CPA6: variants seen among roughly 807,000 people sequenced by gnomAD.
CPA6 encodes carboxypeptidase A6, also known as carboxypeptidase B.
In CPA6, 58 loss-of-function variants were observed where a neutral mutation model predicts 63.3. The ratio of observed to expected loss-of-function variants is 0.92; its 90% confidence interval spans 0.74 to 1.14. The LOEUF is 1.14. CPA6 is among the 50% of genes most tolerant of loss of function. CPA6 has a pLI of 0.00. For missense variants in CPA6, 565 were observed against 526.6 expected (o/e 1.07, Z -0.71); for synonymous variants, 185 against 179.0 (o/e 1.03, Z -0.27).
intron 2 of CPA6, among the ~76,000 whole-genome samples, chr8:67,619,735 AG>A (rs1815037712): frequency 6.6e-6 from 1 of 152,198 alleles, no homozygotes; most frequent in South Asian, 2.1e-4. Context: ...AACTCAGCAA[AG>A]AAGTGTAGGA....
At chr8:67,488,993 G>A (rs915430782) in intron 6 of CPA6, among the ~76,000 whole-genome samples, 1 of 152,150 alleles carries the variant, frequency 6.6e-6, no homozygotes, top group African/African-American at 2.4e-5. Context: ...CATGTCATCT[G>A]CAAATAGGGA....
chr8:67,532,337 A>AT lies in CPA6; in HGVS notation c.193-14291dup, dbSNP rs146385720. Among the ~76,000 whole-genome samples the AT allele has an allele frequency of 7.8e-3, 1,186 of 152,178 alleles. 15 individuals carry two copies. The highest frequency in any genetic ancestry group is 0.027 in the African/African-American group (1,114 of 41,510). ...AGTGACATAAATGTAGATTCATCAA[A>AT]TAAAAAAAATAGAGAATACCATAAA... On this transcript the variant is annotated intron_variant, in intron 2 of 10. Coordinates refer to ENST00000297770, the MANE Select transcript of CPA6 (RefSeq NM_020361.5).
intron 1 of CPA6, among the ~76,000 whole-genome samples, chr8:67,737,198 G>A (rs749643882): frequency 5.3e-5 from 8 of 152,092 alleles, no homozygotes; most frequent in South Asian, 4.2e-4. Flanking sequence ...CTTCCCTCCC[G>A]CCTCCTGACT....
chr8:67,475,868 T>TCC (rs1811199900), intron 8 of CPA6, among the ~76,000 whole-genome samples: 1 of 96,978 alleles, frequency 1.0e-5, no homozygotes, highest in Non-Finnish European at 2.1e-5. Flanking sequence ...TCTTTCTTTC[T>TCC]TTCTTTCTTT....
chr8:67,564,046 G>C (rs1380045242), intron 2 of CPA6, among the ~76,000 whole-genome samples: 1 of 152,138 alleles, frequency 6.6e-6, no homozygotes. Flanking sequence ...GGAGGTCCTG[G>C]GGAAGGGACT....
chr8:67,573,710 G>A (rs1040631687), intron 2 of CPA6, among the ~76,000 whole-genome samples: 10 of 151,646 alleles, frequency 6.6e-5, no homozygotes, highest in Non-Finnish European at 1.2e-4. Flanking sequence ...GGCTAACACG[G>A]TGAAACCCTG....
At chr8:67,590,439 G>C (rs1214928852) in intron 2 of CPA6, among the ~76,000 whole-genome samples, 5 of 151,324 alleles carry the variant, frequency 3.3e-5, no homozygotes, top group Non-Finnish European at 7.4e-5. Context: ...GGTATTTCTA[G>C]TTCTAGATCC....
rs188930433 is a variant in CPA6, at chr8:67,715,830, A to C, written c.116+30184T>G. ...GACATATGGATCCTTCAGACTTTCTAAGGCACTTGTAAAGAAATTGGATGT... is the reference window on the plus strand; with the variant it reads ...GACATATGGATCCTTCAGACTTTCTCAGGCACTTGTAAAGAAATTGGATGT... On this transcript the variant is annotated intron_variant, in intron 1 of 10. Transcript: ENST00000297770. 2.6e-3 allele frequency among the ~76,000 whole-genome samples: 390 copies of C among 152,288 alleles called. 4 individuals carry two copies. The highest frequency in any genetic ancestry group is 9.1e-3 in the African/African-American group (379 of 41,548).
At chr8:67,493,916 C>T (rs1811657024) in intron 6 of CPA6, among the ~76,000 whole-genome samples, 2 of 152,042 alleles carry the variant, frequency 1.3e-5, no homozygotes. Flanking sequence ...ATTTTTTTCA[C>T]AAGCCCTTGC....
intron 1 of CPA6, among the ~76,000 whole-genome samples, chr8:67,644,275 C>T (rs1222497283): frequency 6.6e-6 from 1 of 152,136 alleles, no homozygotes; most frequent in Admixed American, 6.5e-5. Context: ...CCCGCCACCA[C>T]GCCTGGCTAA....
chr8:67,554,879 ATCT>A (rs1476957740), intron 2 of CPA6, among the ~76,000 whole-genome samples: 2 of 152,242 alleles, frequency 1.3e-5, no homozygotes, highest in East Asian at 1.9e-4. Flanking sequence ...TGGAGGGTAG[ATCT>A]TCTCCACTCA....
rs1164908445 is a variant in CPA6 at position 67,636,904 on chromosome 8, T to G, written c.117-12653A>C. 5.3e-5 allele frequency among the ~76,000 whole-genome samples: 8 copies of G among 151,690 alleles called. No individual in the cohort carries two copies. The East Asian group carries it at 9.6e-4, about 18-fold the overall frequency. On this transcript the variant is annotated intron_variant, in intron 1 of 10. Coordinates refer to ENST00000297770, the MANE Select transcript of CPA6 (RefSeq NM_020361.5). The stretch of plus-strand genomic sequence containing the variant: ...TTATGTTTTGATGCACATGAAAAAT[T>G]TCATTAAAAAGCAATAAATAAGAGA...
At chr8:67,524,614 T>G (rs77656407) in intron 2 of CPA6, among the ~76,000 whole-genome samples, 4 of 56,788 alleles carry the variant, frequency 7.0e-5, no homozygotes, top group Non-Finnish European at 1.5e-4. Flanking sequence ...TTGAAAAAAC[T>G]TTTTTTGTTT....
At chr8:67,512,216 C>T (rs916223380) in intron 3 of CPA6, among the ~76,000 whole-genome samples, 2 of 152,172 alleles carry the variant, frequency 1.3e-5, no homozygotes, top group African/African-American at 2.4e-5. Context: ...GAAAACTGAG[C>T]CTAGGCTTCT....
intron 1 of CPA6, among the ~76,000 whole-genome samples, chr8:67,662,576 C>T (rs1291652525): frequency 1.7e-5 from 2 of 120,076 alleles, no homozygotes; most frequent in Non-Finnish European, 3.3e-5. Context: ...AGAATACATA[C>T]ACATGTATAT....
chr8:67,726,237 C>G (rs1817594348), intron 1 of CPA6, among the ~76,000 whole-genome samples: 1 of 152,116 alleles, frequency 6.6e-6, no homozygotes, highest in Admixed American at 6.5e-5. Context: ...GTGATGTCTA[C>G]TCAAACAGTG....
intron 1 of CPA6, among the ~76,000 whole-genome samples, chr8:67,724,066 G>A (rs1319294676): frequency 6.6e-6 from 1 of 152,104 alleles, no homozygotes; most frequent in Non-Finnish European, 1.5e-5. Context: ...ATAAGAAAAT[G>A]CAAAATTAAA....
chr8:67,701,194 A>G (rs1425883891), intron 1 of CPA6, among the ~76,000 whole-genome samples: 1 of 152,168 alleles, frequency 6.6e-6, no homozygotes, highest in Non-Finnish European at 1.5e-5. Flanking sequence ...CTGAGAATAC[A>G]AGAAGAAACT....
At chr8:67,665,112 G>A (rs1816198536) in intron 1 of CPA6, among the ~76,000 whole-genome samples, 1 of 152,124 alleles carries the variant, frequency 6.6e-6, no homozygotes. Flanking sequence ...TAAAGGCCAG[G>A]TAGACTATCA....
Sources: allele counts gnomAD v4.1 joint callset (sites outside exome capture counted in the v4.1 genomes callset), GRCh38; gene constraint gnomAD v4.1.1; transcripts MANE v1.5; gene names NCBI Gene and HGNC (gene_info 2026-07-23, HGNC 2026-07-21).